PRH1: variants seen among roughly 807,000 people sequenced by gnomAD.
PRH1 encodes salivary acidic proline-rich phosphoprotein 1/2.
In PRH1, 7 loss-of-function variants were observed where a neutral mutation model predicts 7.9. That is an observed-to-expected ratio of 0.89 (90% CI 0.50 to 1.67). PRH1 has a LOEUF of 1.67. Ranked by LOEUF, PRH1 falls within the 40% of genes most tolerant of loss-of-function variation. PRH1 has a pLI of 0.00. For missense variants in PRH1, 109 were observed against 223.6 expected (o/e 0.49, Z 3.27); for synonymous variants, 45 against 80.8 (o/e 0.56, Z 2.38).
chr12:10,956,950 A>G (rs1937994816), intron 2 of PRH1, among the ~76,000 whole-genome samples: 1 of 152,172 alleles, frequency 6.6e-6, no homozygotes, highest in Admixed American at 6.5e-5. Flanking sequence ...AGGTGCATGG[A>G]TGGGAAGAAT....
At chr12:10,959,001 A>G (rs1938107297) in intron 2 of PRH1, among the ~76,000 whole-genome samples, 1 of 152,178 alleles carries the variant, frequency 6.6e-6, no homozygotes, top group African/African-American at 2.4e-5. Context: ...TAGAAAGAAT[A>G]ATTAGAAACT....
intron 1 of PRH1, among the ~76,000 whole-genome samples, chr12:11,059,588 G>A (rs751341329): frequency 4.9e-5 from 7 of 141,740 alleles, no homozygotes; most frequent in Admixed American, 2.9e-4. Flanking sequence ...TTGTTTATAC[G>A]CTTTCTAAAA....
intron 1 of PRH1, among the ~76,000 whole-genome samples, chr12:11,138,148 T>C (rs541727535): frequency 6.6e-6 from 1 of 152,218 alleles, no homozygotes; most frequent in African/African-American, 2.4e-5. Context: ...TGGGTTTTTT[T>C]GTGCAGTTTT....
chr12:11,046,193 T>C (rs1314665591), intron 1 of PRH1, among the ~76,000 whole-genome samples: 1 of 152,168 alleles, frequency 6.6e-6, no homozygotes, highest in African/African-American at 2.4e-5. Context: ...GGAATATGAC[T>C]GTTATGAAAG....
At chr12:11,111,437 A>G (rs140489044) in intron 1 of PRH1, among the ~76,000 whole-genome samples, 39 of 152,316 alleles carry the variant, frequency 2.6e-4, no homozygotes, top group African/African-American at 8.2e-4. Context: ...AACAAAATAA[A>G]TCATAACAAA....
chr12:11,066,771 C>T (rs11560811), intron 1 of PRH1, among the ~76,000 whole-genome samples: 30,156 of 141,732 alleles, frequency 0.21, no homozygotes, highest in East Asian at 0.46. Flanking sequence ...TTCCTCATGG[C>T]CTCATGTTTC....
chr12:10,997,173 G>C, intron 1 of PRH1: 3 of 1,614,064 alleles, frequency 1.9e-6, no homozygotes, highest in Non-Finnish European at 2.5e-6. Flanking sequence ...AGTAATATGA[G>C]GAAGGAGGTC....
intron 1 of PRH1, chr12:11,022,053 G>A (rs1243739546): frequency 5.0e-6 from 8 of 1,613,912 alleles, no homozygotes; most frequent in Non-Finnish European, 6.8e-6. Flanking sequence ...AGCTTGAAAG[G>A]TGTATTGCAT....
chr12:11,027,551 G>A (rs1011639291), intron 1 of PRH1, among the ~76,000 whole-genome samples: 19 of 152,206 alleles, frequency 1.2e-4, no homozygotes. Flanking sequence ...GGGGCCTATT[G>A]GGATTTTGGA....
At chr12:11,168,420 G>GAAAGAAAGAAA (rs1565726810) in intron 1 of PRH1, among the ~76,000 whole-genome samples, 1 of 124,044 alleles carries the variant, frequency 8.1e-6, no homozygotes, top group African/African-American at 3.0e-5. Context: ...AAGAAAGAAA[G>GAAAGAAAGAAA]GAAAAGAAAA....
At chr12:10,886,775 C>CA (rs969248771), upstream of PRH1, among the ~76,000 whole-genome samples, 2 of 152,290 alleles carry the variant, frequency 1.3e-5, no homozygotes, top group African/African-American at 4.8e-5. Context: ...CCTAGTGGTT[C>CA]AAAAATCCTC....
chr12:11,068,428 T>C (rs990382236), intron 1 of PRH1, among the ~76,000 whole-genome samples: 3 of 152,238 alleles, frequency 2.0e-5, no homozygotes, highest in South Asian at 2.1e-4. Context: ...TTTGTTGTAT[T>C]ATTCTGTTGT....
intron 2 of PRH1, among the ~76,000 whole-genome samples, chr12:10,910,743 A>G (rs955804819): frequency 2.6e-5 from 4 of 152,230 alleles, no homozygotes; most frequent in African/African-American, 7.2e-5. Context: ...TTCAAAATTA[A>G]TATAAATAAA....
intron 1 of PRH1, chr12:10,997,619 T>C: frequency 6.2e-7 from 1 of 1,613,892 alleles, no homozygotes; most frequent in Non-Finnish European, 8.5e-7. Context: ...TGCCCAGGCA[T>C]TAGAAATAAA....
rs546066515 is a variant in PRH1, at chr12:10,903,931, C to CAAAAAAAAAAAAAAAAAAAAAAAAAAA, written c.-58-19657_-58-19656insTTTTTTTTTTTTTTTTTTTTTTTTTTT. On this transcript the variant is annotated intron_variant, in intron 2 of 3. Coordinates refer to the PRH1 transcript ENST00000539853. Reference sequence around the variant, plus strand: ...AATGCAATCCCATTTACAATAGCCTCAAAAAAAAAAAAAAAAAAAAAAACA... The same window carrying CAAAAAAAAAAAAAAAAAAAAAAAAAAA: ...AATGCAATCCCATTTACAATAGCCTCAAAAAAAAAAAAAAAAAAAAAAAAAAAAAAAAAAAAAAAAAAAAAAAAAACA... Among the ~76,000 whole-genome samples the CAAAAAAAAAAAAAAAAAAAAAAAAAAA allele has an allele frequency of 4.6e-3, 142 of 31,090 alleles. 22 individuals carry two copies. Among genetic ancestry groups the CAAAAAAAAAAAAAAAAAAAAAAAAAAA allele is most frequent in the Non-Finnish European group, 6.9e-3 (102 of 14,844 alleles). The allele number at this position is 31,090 out of a possible 152,430, so 20.4% of individuals were successfully genotyped here. A position where few individuals can be genotyped will look rare whatever the true frequency, so the allele number is the denominator to read the frequency against.
At chr12:11,154,989 A>G (rs1158211550) in intron 1 of PRH1, among the ~76,000 whole-genome samples, 2 of 152,190 alleles carry the variant, frequency 1.3e-5, no homozygotes, top group African/African-American at 2.4e-5. Flanking sequence ...TCATGGTGCC[A>G]TATTTCTTGC....
chr12:11,058,169 G>A (rs1019866318), intron 1 of PRH1, among the ~76,000 whole-genome samples: 1 of 152,160 alleles, frequency 6.6e-6, no homozygotes, highest in African/African-American at 2.4e-5. Context: ...CCAGAAGGTT[G>A]AGGCTGCAAT....
At chr12:11,004,836 T>C (rs1056633157) in intron 1 of PRH1, among the ~76,000 whole-genome samples, 4 of 152,108 alleles carry the variant, frequency 2.6e-5, no homozygotes, top group Non-Finnish European at 5.9e-5. Context: ...TCAGGATTGT[T>C]TAACAACTCC....
intron 1 of PRH1, among the ~76,000 whole-genome samples, chr12:10,993,779 T>C (rs1429378967): frequency 1.3e-5 from 2 of 150,358 alleles, no homozygotes; most frequent in Non-Finnish European, 3.0e-5. Flanking sequence ...GCTGTGCTCA[T>C]TGTGACAGAT....
Sources: allele counts gnomAD v4.1 joint callset (sites outside exome capture counted in the v4.1 genomes callset), GRCh38; gene constraint gnomAD v4.1.1; transcripts MANE v1.5; gene names NCBI Gene and HGNC (gene_info 2026-07-23, HGNC 2026-07-21).